CCNB3: variants seen among roughly 807,000 people sequenced by gnomAD.
CCNB3 encodes G2/mitotic-specific cyclin-B3.
In CCNB3, 12 loss-of-function variants were observed where a neutral mutation model predicts 68.0. The ratio of observed to expected loss-of-function variants is 0.18; its 90% CI spans 0.11 to 0.29. The LOEUF is 0.29. CCNB3 is among the 10% of genes least tolerant of loss of function. The pLI is 1.00. For synonymous variants in CCNB3, 354 were observed against 388.9 expected, an observed-to-expected ratio of 0.91 and a Z score of 1.06; for missense variants, 904 against 993.1, an observed-to-expected ratio of 0.91 and a Z score of 1.21.
intron 5 of CCNB3, among the ~76,000 whole-genome samples, chrX:50,300,233 G>A (rs1280407580): frequency 3.6e-5 from 4 of 111,417 alleles, no homozygotes; most frequent in Non-Finnish European, 7.5e-5. Flanking sequence ...TATCCTTGAC[G>A]GTCTTTACAA....
chrX:50,208,450 A>G (rs1935413163), intron 1 of CCNB3, among the ~76,000 whole-genome samples: 1 of 111,977 alleles, frequency 8.9e-6, no homozygotes, highest in African/African-American at 3.2e-5. Context: ...TAAGCTGATC[A>G]ATGAACACGG....
chrX:50,346,806 G>C lies in CCNB3; in HGVS notation c.3809G>C (p.Arg1270Thr), dbSNP rs61751434. The change falls in exon 10 of 13, where the codon AGG (arginine) becomes ACG (threonine). Residue 1270 changes from arginine (R) to threonine (T), a missense_variant and splice_region_variant. Arg to Thr is a moderately conservative substitution (Grantham distance 71, BLOSUM62 -1). Coordinates refer to ENST00000376042, the MANE Select transcript of CCNB3 (RefSeq NM_033031.3). ...TACCATTTTCTGCGCAGATATGCTA[G>C]GGTAAGAGAGAAGAGACACATCTTC... is the stretch of plus-strand genomic sequence containing the variant. ...IAYHFLRRYA[R>T]CIHTNMKTLT... 1 of 1,208,028 alleles carries C rather than the reference G, an allele frequency of 8.3e-7. No homozygotes were observed. The highest frequency in any genetic ancestry group is 1.1e-6 in the Non-Finnish European group (1 of 893,585).
At chrX:50,226,585 CAA>C (rs1448529058) in intron 1 of CCNB3, among the ~76,000 whole-genome samples, 10 of 14,007 alleles carry the variant, frequency 7.1e-4, no homozygotes, top group Non-Finnish European at 1.3e-3. Context: ...AGAATACATA[CAA>C]ATATATATAT....
rs782133552 is a variant in CCNB3 at position 50,322,758 on chromosome X, G to A, written c.3516+8810G>A. Among the ~76,000 whole-genome samples, 5 of 111,708 alleles carry A rather than the reference G, an allele frequency of 4.5e-5. No homozygotes were observed. The South Asian group carries it at 1.9e-3, about 42-fold the overall frequency. On this transcript the variant is annotated intron_variant, in intron 8 of 12. Coordinates refer to ENST00000376042, the MANE Select transcript of CCNB3 (RefSeq NM_033031.3). The stretch of plus-strand genomic sequence containing the variant: ...ACAACCCCATCAAAAAGCGGGCAAA[G>A]GATATGAACAGACACTTCTCAAAAG...
At chrX:50,317,977 C>CT (rs781797788) in intron 8 of CCNB3, among the ~76,000 whole-genome samples, 3 of 110,938 alleles carry the variant, frequency 2.7e-5, no homozygotes, top group African/African-American at 9.8e-5. Context: ...GGTCAAGGTT[C>CT]TTTTTTTGCA....
intron 11 of CCNB3, 128 bp from the exon 12 acceptor site, chrX:50,351,113 G>A (rs1488754857): frequency 2.8e-6 from 2 of 723,623 alleles, no homozygotes; most frequent in East Asian, 6.4e-5. Flanking sequence ...GATGGTGTGA[G>A]TCTTTGAAAT....
intron 8 of CCNB3, among the ~76,000 whole-genome samples, chrX:50,328,053 A>G (rs1399783723): frequency 9.0e-6 from 1 of 111,579 alleles, no homozygotes; most frequent in Non-Finnish European, 1.9e-5. Flanking sequence ...TCTAGAAGCT[A>G]GAAAAAAAAG....
intron 8 of CCNB3, among the ~76,000 whole-genome samples, chrX:50,323,293 A>T (rs1306658825): frequency 9.0e-6 from 1 of 110,556 alleles, no homozygotes; most frequent in African/African-American, 3.3e-5. Context: ...GCTGGAAACC[A>T]TCGTTCTCAG....
At chrX:50,279,401 TATAG>T (rs1463358714) in intron 1 of CCNB3, among the ~76,000 whole-genome samples, 1 of 75,592 alleles carries the variant, frequency 1.3e-5, no homozygotes, top group African/African-American at 5.7e-5. Flanking sequence ...TGTATATTCA[TATAG>T]AAATATATAA....
At chrX:50,228,809 G>T (rs1240844810) in intron 1 of CCNB3, among the ~76,000 whole-genome samples, 2 of 65,973 alleles carry the variant, frequency 3.0e-5, no homozygotes, top group Non-Finnish European at 5.3e-5. Flanking sequence ...TAGATATATA[G>T]AATATATATA....
At chrX:50,305,683 C>G (rs1166148189) in intron 5 of CCNB3, among the ~76,000 whole-genome samples, 1 of 108,977 alleles carries the variant, frequency 9.2e-6, no homozygotes, top group Non-Finnish European at 1.9e-5. Flanking sequence ...TTGTCAATTT[C>G]TACAAACAAG....
chrX:50,348,330 A>C (rs929497341), intron 11 of CCNB3, among the ~76,000 whole-genome samples: 2 of 112,070 alleles, frequency 1.8e-5, no homozygotes, highest in Admixed American at 9.5e-5. Flanking sequence ...ATTTTATGAA[A>C]AGTTGGGGGT....
At position 50,309,081 on chromosome X, in the gene CCNB3, A is replaced by G; in HGVS notation, c.912A>G (p.Val304=). 6 of 1,210,479 alleles carry G rather than the reference A, an allele frequency of 5.0e-6. No individual in the cohort carries two copies. The highest frequency in any genetic ancestry group is 6.7e-6 in the Non-Finnish European group (6 of 894,297). The change falls in exon 6 of 13, where the codon GTA becomes GTG. Residue 304 remains valine (V), a synonymous_variant. Transcript: ENST00000376042. The stretch of plus-strand genomic sequence containing the variant: ...TATGCCACTTTAGGAAGCCACCAGT[A>G]TTGCAGACAACCATCTGTGGAGCAA... ...GKICHFRKPP[V]LQTTICGAMS... is the part of the protein sequence containing the mutation.
chrX:50,305,120 A>G (rs1262118857), intron 5 of CCNB3, among the ~76,000 whole-genome samples: 1 of 111,773 alleles, frequency 8.9e-6, no homozygotes, highest in Non-Finnish European at 1.9e-5. Flanking sequence ...ATCTAGAACT[A>G]GAAATACCAT....
chrX:50,217,360 G>A (rs1429267173), intron 1 of CCNB3, among the ~76,000 whole-genome samples: 1 of 91,928 alleles, frequency 1.1e-5, no homozygotes, highest in African/African-American at 4.1e-5. Context: ...TGCAACCTCC[G>A]CCTCCCAGTT....
intron 9 of CCNB3, among the ~76,000 whole-genome samples, chrX:50,344,426 G>A (rs17003322): frequency 0.12 from 12,949 of 111,978 alleles, 1,789 homozygotes; most frequent in African/African-American, 0.4. Flanking sequence ...TTTTTCTGCC[G>A]CATTTTTTGT....
intron 10 of CCNB3, 61 bp downstream of exon 10, chrX:50,346,868 G>A (rs1024883940): frequency 2.4e-5 from 26 of 1,098,764 alleles, no homozygotes; most frequent in Non-Finnish European, 2.8e-5. Flanking sequence ...TTTATACCCA[G>A]AGTAGCTGCC....
In CCNB3 at chrX:50,226,067, CGAATATATAT is replaced by C. The variant is rs1425465131; in HGVS notation, c.-113+21118_-113+21127del. Among the ~76,000 whole-genome samples the C allele has an allele frequency of 5.9e-5, 4 of 68,062 alleles. No individual in the cohort carries two copies. The East Asian group carries it at 1.8e-3, about 30-fold the overall frequency. 59.1% of individuals were successfully genotyped at this position (68,062 alleles called of 115,157 possible). On this transcript the variant is annotated intron_variant, in intron 1 of 12. Coordinates refer to ENST00000376042, the MANE Select transcript of CCNB3 (RefSeq NM_033031.3). ...TATACAAATATATATAGAATATATA[CGAATATATAT>C]AGAATATATATGAATATATATAGAA...
At position 50,295,242 on chromosome X, in the gene CCNB3, ATC is replaced by A. The variant is rs202054809; in HGVS notation, c.335+251_335+252del. On this transcript the variant is annotated intron_variant, in intron 5 of 12. Transcript: ENST00000376042. The stretch of plus-strand genomic sequence containing the variant: ...AAATTTGCCAAAAGACCTTGTGCTC[ATC>A]TTTTCCTGTCTTTTAGTAATTCAGT... Among the ~76,000 whole-genome samples, 460 of 111,755 alleles carry A rather than the reference ATC, an allele frequency of 4.1e-3. 1 individual carries two copies. Among genetic ancestry groups the A allele is most frequent in the African/African-American group, 0.015 (449 of 30,815 alleles).
Sources: allele counts gnomAD v4.1 joint callset (sites outside exome capture counted in the v4.1 genomes callset), GRCh38; gene constraint gnomAD v4.1.1; transcripts MANE v1.5; gene names NCBI Gene and HGNC (gene_info 2026-07-23, HGNC 2026-07-21).